The following SLC24A2 variants were observed in gnomAD, a reference collection of about 807,000 sequenced individuals.
The protein encoded by SLC24A2 is sodium/potassium/calcium exchanger 2.
SLC24A2 carries 36 observed loss-of-function variants against 62.0 expected under a neutral mutation model. The observed-to-expected ratio is 0.58, with a 90% confidence interval of 0.44 to 0.77. The LOEUF (loss-of-function observed/expected upper bound fraction) is 0.77, where lower values mean the gene tolerates loss of function less well. Among genes scored for constraint, SLC24A2 ranks in the 30% least tolerant of loss-of-function variants. SLC24A2 has a pLI of 0.00. For missense variants in SLC24A2, 846 were observed against 817.9 expected, an observed-to-expected ratio of 1.03 and a Z score of -0.42; for synonymous variants, 358 against 294.0, an observed-to-expected ratio of 1.22 and a Z score of -2.23.
At position 19,786,838 on chromosome 9, in the gene SLC24A2, G is replaced by A. The variant is rs774196694; in HGVS notation, c.29C>T (p.Thr10Ile). The change falls in exon 2 of 11, where the codon ACT becomes ATT. Residue 10 changes from threonine to isoleucine, a missense_variant. By Grantham distance (89) the Thr-to-Ile change is moderately conservative. Coordinates refer to ENST00000341998, the MANE Select transcript of SLC24A2 (RefSeq NM_020344.4). The surrounding 1 kb of genome is among the most constrained non-coding windows in gnomAD (Gnocchi z 5.0). MDLQQSTTI[T>I]SLEKWCLDES... ...ATCCAAACACCATTTCTCTAGGGAA[G>A]TGATGGTGGTGCTTTGTTGCAGATC... is the stretch of plus-strand genomic sequence containing the variant. The A allele has an allele frequency of 6.4e-5, 103 of 1,611,960 alleles. No homozygotes were observed. The East Asian group carries it at 2.2e-3, about 34-fold the overall frequency.
chr9:20,178,645 T>C, the SLC24A2 span, among the ~76,000 whole-genome samples: 6 of 152,130 alleles, frequency 3.9e-5, no homozygotes, highest in East Asian at 1.9e-4. Context: ...TAAGGAGGAA[T>C]AGACTTATGC....
chr9:19,898,409 A>C, the SLC24A2 span, among the ~76,000 whole-genome samples: 3 of 152,304 alleles, frequency 2.0e-5, no homozygotes, highest in East Asian at 3.9e-4. Flanking sequence ...CAGCAGTGCA[A>C]ACTGTACTCA....
At chr9:20,081,611 CTAAAATT>C in the SLC24A2 span, among the ~76,000 whole-genome samples, 1 of 151,940 alleles carries the variant, frequency 6.6e-6, no homozygotes, top group East Asian at 1.9e-4. Flanking sequence ...CACGTGTACC[CTAAAATT>C]TAAAGTATAA....
intron 1 of SLC24A2, among the ~76,000 whole-genome samples, chr9:19,788,179 A>G (rs901972079): frequency 6.6e-6 from 1 of 152,224 alleles, no homozygotes; most frequent in African/African-American, 2.4e-5. Context: ...CAAGAGCACA[A>G]ATCAACCCCG....
chr9:19,977,388 G>A, the SLC24A2 span, among the ~76,000 whole-genome samples: 1 of 152,056 alleles, frequency 6.6e-6, no homozygotes, highest in South Asian at 2.1e-4. Flanking sequence ...TTGAGATAGA[G>A]ATAAAGGAGA....
At chr9:20,055,543 G>A in the SLC24A2 span, among the ~76,000 whole-genome samples, 1 of 152,044 alleles carries the variant, frequency 6.6e-6, no homozygotes, top group Admixed American at 6.6e-5. Flanking sequence ...GTAAGATTAA[G>A]TGATTTGCAC....
intron 2 of SLC24A2, among the ~76,000 whole-genome samples, chr9:19,634,343 C>T (rs1473877323): frequency 7.7e-6 from 1 of 130,280 alleles, no homozygotes; most frequent in Non-Finnish European, 1.5e-5. Flanking sequence ...GGCTGGAGTG[C>T]AATGGTGCGA....
At chr9:19,685,959 C>T (rs1587150636) in intron 2 of SLC24A2, among the ~76,000 whole-genome samples, 1 of 150,092 alleles carries the variant, frequency 6.7e-6, no homozygotes, top group South Asian at 2.1e-4. Flanking sequence ...CAGCAAAACA[C>T]ACTATCAACA....
the SLC24A2 span, among the ~76,000 whole-genome samples, chr9:20,142,945 C>T: frequency 6.6e-6 from 1 of 152,150 alleles, no homozygotes; most frequent in Non-Finnish European, 1.5e-5. Flanking sequence ...TCTGCTGGAG[C>T]CAGGGGCCAT....
chr9:19,523,613 C>T (rs574727929), intron 9 of SLC24A2, among the ~76,000 whole-genome samples: 4 of 152,206 alleles, frequency 2.6e-5, no homozygotes, highest in South Asian at 4.1e-4. Context: ...CAGGCATCTG[C>T]CACCATGCCT....
chr9:20,108,919 A>G, the SLC24A2 span, among the ~76,000 whole-genome samples: 1 of 152,176 alleles, frequency 6.6e-6, no homozygotes, highest in Non-Finnish European at 1.5e-5. Context: ...CCATGTAAAA[A>G]CATTTTAGTC....
At chr9:20,107,115 T>C in the SLC24A2 span, among the ~76,000 whole-genome samples, 22 of 152,046 alleles carry the variant, frequency 1.4e-4, no homozygotes, top group Middle Eastern at 3.2e-3. Context: ...GAGAATAAAA[T>C]ACCTAGGAAT....
At chr9:20,123,132 C>T in the SLC24A2 span, among the ~76,000 whole-genome samples, 1 of 152,154 alleles carries the variant, frequency 6.6e-6, no homozygotes, top group Non-Finnish European at 1.5e-5. Flanking sequence ...AAGGCAGATT[C>T]AGTATCTAGT....
chr9:20,186,685 T>C, the SLC24A2 span, among the ~76,000 whole-genome samples: 2 of 152,170 alleles, frequency 1.3e-5, no homozygotes, highest in African/African-American at 2.4e-5. Context: ...GCCTTGGTTT[T>C]CTCATCTGAA....
chr9:20,130,582 G>T, the SLC24A2 span, among the ~76,000 whole-genome samples: 5 of 152,084 alleles, frequency 3.3e-5, no homozygotes, highest in Non-Finnish European at 5.9e-5. Flanking sequence ...AGAATTTGTT[G>T]ATTTAATGGG....
At chr9:19,672,829 G>A (rs572806102) in intron 2 of SLC24A2, among the ~76,000 whole-genome samples, 1 of 146,562 alleles carries the variant, frequency 6.8e-6, no homozygotes, top group Non-Finnish European at 1.5e-5. Flanking sequence ...TAATTTCCAT[G>A]TATTTGCATG....
chr9:20,189,448 T>C, the SLC24A2 span, among the ~76,000 whole-genome samples: 3 of 152,178 alleles, frequency 2.0e-5, no homozygotes, highest in Non-Finnish European at 4.4e-5. Context: ...AATAAATCAA[T>C]ACCTTCCCAT....
intron 2 of SLC24A2, among the ~76,000 whole-genome samples, chr9:19,693,735 G>A (rs1363553734): frequency 6.6e-6 from 1 of 151,938 alleles, no homozygotes; most frequent in African/African-American, 2.4e-5. Context: ...AGACAGTGTT[G>A]GGAAAAGATG....
intron 7 of SLC24A2, among the ~76,000 whole-genome samples, chr9:19,564,598 C>CTGTT (rs1417354734): frequency 6.6e-6 from 1 of 152,078 alleles, no homozygotes; most frequent in African/African-American, 2.4e-5. Context: ...TTATATAAAT[C>CTGTT]TGTTTGCCCA....
Sources: gnomAD v4.1 joint callset for allele counts (sites outside exome capture counted in the v4.1 genomes callset) on GRCh38, gnomAD v4.1.1 for gene constraint, Gnocchi (gnomAD v3.1) non-coding constraint, MANE v1.5 for transcripts, NCBI Gene and HGNC (gene_info 2026-07-23, HGNC 2026-07-21) for gene names.